Variants in EPSTI1 observed in about 807,000 individuals in gnomAD.
EPSTI1 encodes epithelial stromal interaction 1, also known as epithelial-stromal interaction protein 1.
A neutral mutation model predicts 49.9 loss-of-function variants in EPSTI1; 66 were observed. The observed-to-expected ratio is 1.32, with a 90% CI of 1.08 to 1.62. EPSTI1 has a LOEUF of 1.62. Among genes scored for constraint, EPSTI1 ranks in the 40% most tolerant of loss-of-function variants. The pLI is 0.00. For synonymous variants in EPSTI1, 137 were observed against 130.7 expected (o/e 1.05, Z -0.33); for missense variants, 394 against 365.5 (o/e 1.08, Z -0.64).
chr13:42,946,769 T>C (rs1187788985), intron 6 of EPSTI1, among the ~76,000 whole-genome samples: 1 of 152,200 alleles, frequency 6.6e-6, no homozygotes, highest in Non-Finnish European at 1.5e-5. Flanking sequence ...CAGGAATATC[T>C]GAGCACCGTC....
chr13:42,964,164 G>T (rs1566164051), intron 3 of EPSTI1, 25 bp from the exon 4 acceptor site: 1 of 1,598,288 alleles, frequency 6.3e-7, no homozygotes, highest in Non-Finnish European at 8.6e-7. Flanking sequence ...ATCCATGAAG[G>T]TGAAACATAA....
chr13:42,924,135 C>T (rs913460646), intron 7 of EPSTI1, among the ~76,000 whole-genome samples: 3 of 152,180 alleles, frequency 2.0e-5, no homozygotes, highest in African/African-American at 7.2e-5. Context: ...GCAAAGCATT[C>T]TCAGAAGAAT....
chr13:42,918,869 T>G (rs1229212600), intron 7 of EPSTI1, among the ~76,000 whole-genome samples: 1 of 152,114 alleles, frequency 6.6e-6, no homozygotes, highest in Non-Finnish European at 1.5e-5. Context: ...TGACAACCCC[T>G]TCTTTTTATA....
At chr13:42,898,664 T>C (rs2037266695) in intron 9 of EPSTI1, among the ~76,000 whole-genome samples, 1 of 152,088 alleles carries the variant, frequency 6.6e-6, no homozygotes, top group Admixed American at 6.5e-5. Flanking sequence ...AAAGCCAAGA[T>C]TCCTATAACA....
At chr13:42,978,408 C>T (rs11616270) in intron 1 of EPSTI1, among the ~76,000 whole-genome samples, 23,549 of 152,160 alleles carry the variant, frequency 0.15, 2,092 homozygotes, top group Middle Eastern at 0.24. Flanking sequence ...AAGAGACAAA[C>T]AGTTGCATTC....
At chr13:42,923,218 T>A (rs2038069191) in intron 7 of EPSTI1, among the ~76,000 whole-genome samples, 1 of 152,150 alleles carries the variant, frequency 6.6e-6, no homozygotes, top group Admixed American at 6.5e-5. Flanking sequence ...TTTGGGGAAG[T>A]GAAACACCAG....
At chr13:42,986,541 G>A (rs964391145) in intron 1 of EPSTI1, among the ~76,000 whole-genome samples, 3 of 151,976 alleles carry the variant, frequency 2.0e-5, no homozygotes, top group Admixed American at 6.6e-5. Flanking sequence ...TCAGGAGTTC[G>A]AGACCAGCCT....
intron 1 of EPSTI1, among the ~76,000 whole-genome samples, chr13:42,971,314 G>A (rs1229138813): frequency 6.6e-6 from 1 of 152,174 alleles, no homozygotes; most frequent in African/African-American, 2.4e-5. Context: ...AGCTTTTGAG[G>A]GCAGAGAGTG....
chr13:42,967,483 AAAAG>A (rs761397292), intron 3 of EPSTI1, among the ~76,000 whole-genome samples: 6 of 152,346 alleles, frequency 3.9e-5, no homozygotes, highest in Non-Finnish European at 7.3e-5. Flanking sequence ...ACAGTTTATG[AAAAG>A]AAAGAATGCA....
chr13:42,989,694 C>G lies in EPSTI1; in HGVS notation c.188+2284G>C, dbSNP rs540407470. 9.9e-5 allele frequency among the ~76,000 whole-genome samples: 15 copies of G among 150,934 alleles called. No individual in the cohort carries two copies. The South Asian group carries it at 3.2e-3, about 32-fold the overall frequency. ...CTGCAAGCTCTGCCTCCCGGGTTCA[C>G]GCCATTCTCCTGCCTCAGCCTCCCA... On this transcript the variant is annotated intron_variant, in intron 1 of 10. Transcript: ENST00000313624.
chr13:42,952,105 C>T (rs2039116616), intron 6 of EPSTI1, among the ~76,000 whole-genome samples: 1 of 152,118 alleles, frequency 6.6e-6, no homozygotes, highest in Admixed American at 6.5e-5. Flanking sequence ...ATGGACCAAT[C>T]AGCACTCTGT....
chr13:42,916,269 ATT>A lies in EPSTI1; in HGVS notation c.741+1270_741+1271del, dbSNP rs1397784580. ...ATCTTGCCAAGACAAAAAGATATTTATTTAAAAAAAAAAAAAACACTAAGGGA... is the reference window on the plus strand; with the variant it reads ...ATCTTGCCAAGACAAAAAGATATTTATAAAAAAAAAAAAAACACTAAGGGA... On this transcript the variant is annotated intron_variant, in intron 8 of 10. Coordinates refer to ENST00000313624, the MANE Select transcript of EPSTI1 (RefSeq NM_033255.5). Among the ~76,000 whole-genome samples the A allele has an allele frequency of 8.5e-5, 4 of 46,958 alleles. No homozygotes were observed. The South Asian group carries it at 2.7e-3, about 32-fold the overall frequency. The allele number at this position is 46,958 out of a possible 152,430, so 30.8% of individuals were successfully genotyped here.
intron 3 of EPSTI1, among the ~76,000 whole-genome samples, 155 bp from the exon 4 acceptor site, chr13:42,964,294 C>T: frequency 6.8e-6 from 1 of 147,488 alleles, no homozygotes; most frequent in East Asian, 1.9e-4. Flanking sequence ...TCCAAGAAGA[C>T]CTTAAAGAAG....
chr13:42,968,920 ATACACACAC>A (rs1370750100), intron 3 of EPSTI1, among the ~76,000 whole-genome samples, 165 bp downstream of exon 3: 7 of 101,496 alleles, frequency 6.9e-5, no homozygotes, highest in African/African-American at 1.4e-4. Flanking sequence ...AAAAAAAAAA[ATACACACAC>A]ACACACACAC....
intron 1 of EPSTI1, among the ~76,000 whole-genome samples, chr13:42,986,393 C>G (rs1057470691): frequency 1.8e-5 from 2 of 112,036 alleles, no homozygotes; most frequent in African/African-American, 2.8e-5. Flanking sequence ...GGTCCCTAGA[C>G]AGCTAGCTTA....
rs189634340 is a variant in EPSTI1, at chr13:42,919,237, G to A, written c.658-1613C>T. On this transcript the variant is annotated intron_variant, in intron 7 of 10. Transcript: ENST00000313624. ...CCTTATAAAGGTCCACAGAAACTGGGAAGTCACATGGCATCCAAACTTATG... is the reference window on the plus strand; with the variant it reads ...CCTTATAAAGGTCCACAGAAACTGGAAAGTCACATGGCATCCAAACTTATG... The A allele has an allele frequency of 1.8e-3, 2,735 of 1,498,908 alleles. 7 individuals carry two copies. The highest frequency in any genetic ancestry group is 2.1e-3 in the Non-Finnish European group (2,225 of 1,078,264). The allele number at this position is 1,498,908 out of a possible 1,614,324, so 92.9% of individuals were successfully genotyped here.
At chr13:42,969,815 C>A (rs1333856338) in intron 2 of EPSTI1, 1 of 152,272 alleles carries the variant, frequency 6.6e-6, no homozygotes, top group East Asian at 1.9e-4. Flanking sequence ...CCCCTTATCT[C>A]CTCATGAGAC....
At chr13:42,968,510 C>T (rs2039678161) in intron 3 of EPSTI1, among the ~76,000 whole-genome samples, 1 of 152,060 alleles carries the variant, frequency 6.6e-6, no homozygotes, top group South Asian at 2.1e-4. Context: ...TAGGTGGCAT[C>T]CCTTCTGAAT....
intron 5 of EPSTI1, among the ~76,000 whole-genome samples, chr13:42,960,639 G>A (rs1467281606): frequency 6.6e-6 from 1 of 152,182 alleles, no homozygotes; most frequent in South Asian, 2.1e-4. Flanking sequence ...GAGGTCAGAA[G>A]TACAAAACGG....
Sources: gnomAD v4.1 joint callset for allele counts (sites outside exome capture counted in the v4.1 genomes callset) on GRCh38, gnomAD v4.1.1 for gene constraint, MANE v1.5 for transcripts, NCBI Gene and HGNC (gene_info 2026-07-23, HGNC 2026-07-21) for gene names.